The following CNTNAP2 variants were observed in gnomAD, a reference collection of about 807,000 sequenced individuals.
The protein encoded by CNTNAP2 is contactin-associated protein-like 2.
In CNTNAP2, 98 loss-of-function variants were observed where a neutral mutation model predicts 155.2. The ratio of observed to expected loss-of-function variants is 0.63; its 90% confidence interval spans 0.54 to 0.75. CNTNAP2 has a LOEUF of 0.75. Among genes scored for constraint, CNTNAP2 ranks in the 30% least tolerant of loss-of-function variants. The pLI, the probability that CNTNAP2 is intolerant of heterozygous loss-of-function variation, is 0.00. For synonymous variants in CNTNAP2, 651 were observed against 631.2 expected, an observed-to-expected ratio of 1.03 and a Z score of -0.47; for missense variants, 1,727 against 1,688.1, an observed-to-expected ratio of 1.02 and a Z score of -0.40.
intron 1 of CNTNAP2, among the ~76,000 whole-genome samples, chr7:146,578,899 A>G (rs894801770): frequency 2.0e-5 from 3 of 151,944 alleles, no homozygotes; most frequent in Admixed American, 6.6e-5. Context: ...AATTATTTCT[A>G]TTTTCAATAG....
At chr7:147,139,938 A>G (rs931143570) in intron 8 of CNTNAP2, among the ~76,000 whole-genome samples, 3 of 152,098 alleles carry the variant, frequency 2.0e-5, no homozygotes, top group African/African-American at 7.2e-5. Flanking sequence ...CCCCATCTGC[A>G]ATCATGACTA....
At chr7:147,318,817 A>C (rs1795287096) in intron 9 of CNTNAP2, among the ~76,000 whole-genome samples, 1 of 152,204 alleles carries the variant, frequency 6.6e-6, no homozygotes, top group Non-Finnish European at 1.5e-5. Context: ...TGTATCCCAG[A>C]ACTTAAAGTA....
intron 11 of CNTNAP2, among the ~76,000 whole-genome samples, chr7:147,522,801 C>T (rs1402887347): frequency 6.9e-6 from 1 of 145,984 alleles, no homozygotes; most frequent in East Asian, 2.0e-4. Flanking sequence ...AAAAAAAAAA[C>T]CTACTAAAAA....
chr7:147,561,200 T>C lies in CNTNAP2; in HGVS notation c.1778-938T>C, dbSNP rs979738939. ...TAATTTATTTTGTACTATTTTATAG[T>C]TTAACACACAACAACCCCTAAGGAG... is the stretch of plus-strand genomic sequence containing the variant. On this transcript the variant is annotated intron_variant, in intron 11 of 23. Coordinates refer to ENST00000361727, the MANE Select transcript of CNTNAP2 (RefSeq NM_014141.6). Among the ~76,000 whole-genome samples the C allele has an allele frequency of 1.1e-4, 16 of 152,262 alleles. 1 individual carries two copies. Among genetic ancestry groups the C allele is most frequent in the Admixed American group, 8.5e-4 (13 of 15,300 alleles).
intron 1 of CNTNAP2, among the ~76,000 whole-genome samples, chr7:146,364,939 GT>G (rs1460560011): frequency 1.3e-5 from 2 of 151,534 alleles, no homozygotes; most frequent in Admixed American, 6.6e-5. Flanking sequence ...CAATGTAATC[GT>G]TTTTTAATCT....
chr7:146,850,107 G>A (rs1469813040), intron 3 of CNTNAP2, among the ~76,000 whole-genome samples: 1 of 152,160 alleles, frequency 6.6e-6, no homozygotes, highest in Non-Finnish European at 1.5e-5. Flanking sequence ...CTTAATTATA[G>A]GCTGCAGTGA....
At chr7:146,795,536 C>T (rs1227023781) in intron 2 of CNTNAP2, among the ~76,000 whole-genome samples, 1 of 152,136 alleles carries the variant, frequency 6.6e-6, no homozygotes, top group Non-Finnish European at 1.5e-5. Context: ...AACCTTGGCT[C>T]AGATCCCACA....
intron 13 of CNTNAP2, among the ~76,000 whole-genome samples, chr7:147,901,295 A>G (rs1223317340): frequency 3.3e-5 from 5 of 152,210 alleles, no homozygotes; most frequent in Admixed American, 2.6e-4. Flanking sequence ...TGAAACACAA[A>G]TTTAATCATG....
intron 12 of CNTNAP2, among the ~76,000 whole-genome samples, chr7:147,565,684 T>C (rs1396287786): frequency 1.3e-5 from 2 of 152,210 alleles, no homozygotes; most frequent in Non-Finnish European, 2.9e-5. Context: ...CAGTTATCAA[T>C]ACTAACTTCT....
intron 8 of CNTNAP2, among the ~76,000 whole-genome samples, chr7:147,297,194 T>C (rs1794841648): frequency 6.6e-6 from 1 of 152,234 alleles, no homozygotes; most frequent in Admixed American, 6.5e-5. Flanking sequence ...TATTGCTTTT[T>C]TATGTTTCAT....
At chr7:148,121,123 C>T (rs1221012185) in intron 16 of CNTNAP2, among the ~76,000 whole-genome samples, 3 of 152,090 alleles carry the variant, frequency 2.0e-5, no homozygotes, top group African/African-American at 7.2e-5. Flanking sequence ...CAACCTCTGC[C>T]TCCCAGGTTC....
At chr7:146,296,114 A>T (rs1800510820) in intron 1 of CNTNAP2, among the ~76,000 whole-genome samples, 1 of 152,140 alleles carries the variant, frequency 6.6e-6, no homozygotes, top group African/African-American at 2.4e-5. Flanking sequence ...TGTAGGATAG[A>T]TAGGATCTCT....
chr7:147,887,136 G>C (rs1799615541), intron 13 of CNTNAP2, among the ~76,000 whole-genome samples: 1 of 152,110 alleles, frequency 6.6e-6, no homozygotes, highest in Non-Finnish European at 1.5e-5. Context: ...ATACAATTAA[G>C]GCCAAATAGA....
intron 1 of CNTNAP2, among the ~76,000 whole-genome samples, chr7:146,225,833 T>C (rs949239116): frequency 2.0e-5 from 3 of 152,232 alleles, no homozygotes; most frequent in African/African-American, 7.2e-5. Flanking sequence ...AATAATTTCA[T>C]ATAATTAGTC....
chr7:147,144,256 C>G (rs1291604013), intron 8 of CNTNAP2, among the ~76,000 whole-genome samples: 1 of 152,152 alleles, frequency 6.6e-6, no homozygotes. Flanking sequence ...AACAGAAAAA[C>G]ATAAACTTTA....
chr7:146,588,733 T>C (rs1217605347), intron 1 of CNTNAP2, among the ~76,000 whole-genome samples: 1 of 152,118 alleles, frequency 6.6e-6, no homozygotes, highest in Non-Finnish European at 1.5e-5. Context: ...GGTTTCCAAC[T>C]TGTGGGCTCA....
chr7:147,769,597 TGCATTTAAAG>T (rs942447109), intron 13 of CNTNAP2, among the ~76,000 whole-genome samples: 38 of 152,250 alleles, frequency 2.5e-4, no homozygotes, highest in African/African-American at 7.7e-4. Context: ...AGACTATGCT[TGCATTTAAAG>T]GCAAAGCATA....
chr7:147,514,650 T>C (rs1037955040), intron 11 of CNTNAP2, among the ~76,000 whole-genome samples: 4 of 149,950 alleles, frequency 2.7e-5, no homozygotes, highest in Non-Finnish European at 5.9e-5. Flanking sequence ...GGTGTTTTGC[T>C]GTTGGAAATG....
chr7:147,778,535 A>G (rs1477358938), intron 13 of CNTNAP2, among the ~76,000 whole-genome samples: 1 of 152,236 alleles, frequency 6.6e-6, no homozygotes, highest in Non-Finnish European at 1.5e-5. Flanking sequence ...TGGTAAGATT[A>G]GCCCACTGAT....
Sources: gnomAD v4.1 joint callset for allele counts (sites outside exome capture counted in the v4.1 genomes callset) on GRCh38, gnomAD v4.1.1 for gene constraint, MANE v1.5 for transcripts, NCBI Gene and HGNC (gene_info 2026-07-23, HGNC 2026-07-21) for gene names.